The following ESPN variants were observed in gnomAD, a reference collection of about 807,000 sequenced individuals.
ESPN encodes the protein autosomal recessive deafness type 36 protein.
Under a neutral mutation model 77.7 loss-of-function variants are expected in ESPN, and 68 were observed. The ratio of observed to expected loss-of-function variants is 0.87; its 90% confidence interval spans 0.72 to 1.07. The LOEUF (loss-of-function observed/expected upper bound fraction) is 1.07. Ranked by LOEUF, ESPN falls within the 50% of genes least tolerant of loss-of-function variation. The pLI, the probability that ESPN is intolerant of heterozygous loss-of-function variation, is 0.00. For synonymous variants in ESPN, 449 were observed against 567.1 expected (o/e 0.79, Z 2.96); for missense variants, 1,060 against 1,239.0 (o/e 0.86, Z 2.17).
downstream of ESPN, chr1:6,461,153 T>C (rs940563813): frequency 9.3e-6 from 6 of 644,046 alleles, no homozygotes; most frequent in Admixed American, 2.1e-5. The surrounding 1 kb of genome is among the most constrained non-coding windows in gnomAD (Gnocchi z 6.3). Context: ...AGAAGCCGTT[T>C]TTGTTTTGTT....
At position 6,451,448 on chromosome 1, in the gene ESPN, C is replaced by T. The variant is rs1347797965; in HGVS notation, c.1916-155C>T. On this transcript the variant is annotated intron_variant, in intron 8 of 12. Transcript: ENST00000645284. The surrounding 1 kb of genome is among the most constrained non-coding windows in gnomAD (Gnocchi z 4.3). The stretch of plus-strand genomic sequence containing the variant: ...CCGCCTCTGGGGGCCCTGAAACCTG[C>T]CTGCAGGACCTGGGATCTGGAGAGC... 4.7e-6 allele frequency: 5 copies of T among 1,066,770 alleles called. No individual in the cohort carries two copies. The South Asian group carries it at 5.5e-5, about 12-fold the overall frequency. 66.1% of individuals were successfully genotyped at this position (1,066,770 alleles called of 1,614,324 possible). A position where few individuals can be genotyped will look rare whatever the true frequency, so the allele number is the denominator to read the frequency against.
At position 6,454,513 on chromosome 1, in the gene ESPN, T is replaced by C. The variant is rs552198910; in HGVS notation, c.2325+2417T>C. 7.5e-6 allele frequency: 3 copies of C among 398,954 alleles called. No homozygotes were observed. The East Asian group carries it at 1.1e-4, about 14-fold the overall frequency. 24.7% of individuals were successfully genotyped at this position (398,954 alleles called of 1,614,324 possible). A position where few individuals can be genotyped will look rare whatever the true frequency, so the allele number is the denominator to read the frequency against. ...GAGCACAACGCCATCCTCGGGCCCT[T>C]TGGCGAGCTTATGACCGAAGCCGAC... On this transcript the variant is annotated intron_variant, in intron 10 of 12. Coordinates refer to ENST00000645284, the MANE Select transcript of ESPN (RefSeq NM_031475.3).
At chr1:6,452,145 C>T in intron 10 of ESPN, 49 bp downstream of exon 10, 3 of 1,500,240 alleles carry the variant, frequency 2.0e-6, no homozygotes, top group Non-Finnish European at 2.7e-6. Context: ...CATCTGGATG[C>T]ACAGCCCATC....
Position 6,450,570 on chromosome 1 carries a change from G to C in ESPN, c.1916-1033G>C, listed in dbSNP as rs1643926815. On this transcript the variant is annotated intron_variant, in intron 8 of 12. Transcript: ENST00000645284. This position sits in a 1 kb window ranked among gnomAD's most constrained non-coding sequence, Gnocchi z 4.3. ...AGAAGGGGCCCAGACTTGAGGAAAGGGCAGGGGCAGGGGCTGGCAGGCGAG... is the reference window on the plus strand; with the variant it reads ...AGAAGGGGCCCAGACTTGAGGAAAGCGCAGGGGCAGGGGCTGGCAGGCGAG... 1 of 515,516 alleles carries C rather than the reference G, an allele frequency of 1.9e-6. No individual in the cohort carries two copies. The highest frequency in any genetic ancestry group is 2.5e-6 in the Non-Finnish European group (1 of 400,428). The allele number at this position is 515,516 out of a possible 1,614,324, so 31.9% of individuals were successfully genotyped here.
At chr1:6,445,580 G>A (rs1643798176) in intron 6 of ESPN, 84 bp from the exon 7 acceptor site, 6 of 1,503,946 alleles carry the variant, frequency 4.0e-6, no homozygotes, top group African/African-American at 1.4e-5. Flanking sequence ...TCGGCAAGTT[G>A]TTTCCAGGTG....
chr1:6,430,878 A>C (rs777896309), intron 2 of ESPN, among the ~76,000 whole-genome samples: 31 of 152,184 alleles, frequency 2.0e-4, no homozygotes, highest in Admixed American at 3.3e-4. Context: ...AGGGAGATTG[A>C]GTTGGGAGGA....
In ESPN at chr1:6,452,014, G is replaced by A. The variant is rs780047120; in HGVS notation, c.2243G>A (p.Arg748Gln). The change falls in exon 10 of 13, where the codon CGG (arginine) becomes CAG (glutamine). Residue 748 changes from arginine to glutamine, a missense_variant. Physicochemically the swap from Arg to Gln is conservative, Grantham distance 43 (BLOSUM62 1). This residue lies in a region of ESPN where 374 missense variants were observed against 381.4 expected (regional missense o/e 0.98). Transcript: ENST00000645284. The stretch of plus-strand genomic sequence containing the variant: ...ATCCCCACGCACGATGAGCAGGGCC[G>A]GCCCATCCCCGAGTGGAAGCGCCAG... ...ALIPTHDEQG[R>Q]PIPEWKRQVM... 26 of 1,600,078 alleles carry A rather than the reference G, an allele frequency of 1.6e-5. No homozygotes were observed. Among genetic ancestry groups the A allele is most frequent in the South Asian group, 7.9e-5 (7 of 89,050 alleles).
intron 2 of ESPN, among the ~76,000 whole-genome samples, chr1:6,433,559 A>C (rs960650782): frequency 1.3e-5 from 2 of 151,340 alleles, no homozygotes; most frequent in Non-Finnish European, 2.9e-5. Flanking sequence ...GTGAGCTAAG[A>C]TTGTGCCACT....
At chr1:6,446,302 C>T (rs1450100339) in intron 7 of ESPN, among the ~76,000 whole-genome samples, 1 of 152,182 alleles carries the variant, frequency 6.6e-6, no homozygotes, top group Non-Finnish European at 1.5e-5. Context: ...CCCACCCCCA[C>T]AGCCCCAGGC....
intron 2 of ESPN, among the ~76,000 whole-genome samples, chr1:6,438,517 C>T (rs1402529767): frequency 6.6e-6 from 1 of 152,260 alleles, no homozygotes; most frequent in Non-Finnish European, 1.5e-5. Context: ...ACAGTGACAG[C>T]CGAAAGCTAG....
intron 8 of ESPN, among the ~76,000 whole-genome samples, chr1:6,449,606 G>GTCTT (rs1459733471): frequency 6.6e-6 from 1 of 152,190 alleles, no homozygotes; most frequent in Non-Finnish European, 1.5e-5. Context: ...CAGACCTGAA[G>GTCTT]TCTTCTTAGA....
In ESPN at chr1:6,457,373, G is replaced by A; in HGVS notation, c.2417+1G>A. ...TTTTTCCTTCCAGGGAGCAGAAGCG[G>A]TGAGTGCAGGGCTGGCCCCAACCTG... On this transcript the variant is annotated splice_donor_variant, in intron 12 of 12. Transcript: ENST00000645284. LOFTEE classifies it high-confidence loss of function. 1 of 1,614,222 alleles carries A rather than the reference G, an allele frequency of 6.2e-7. No homozygotes were observed. Among genetic ancestry groups the A allele is most frequent in the East Asian group, 2.2e-5 (1 of 44,890 alleles).
intron 2 of ESPN, among the ~76,000 whole-genome samples, chr1:6,435,535 C>T (rs1346096458): frequency 5.9e-5 from 9 of 152,346 alleles, no homozygotes; most frequent in African/African-American, 2.2e-4. Flanking sequence ...ATCGCCAGGG[C>T]GCCTCTGACC....
intron 2 of ESPN, among the ~76,000 whole-genome samples, chr1:6,436,704 T>A (rs866167583): frequency 3.3e-5 from 5 of 152,146 alleles, no homozygotes; most frequent in African/African-American, 1.2e-4. Context: ...TGGCGGTCTC[T>A]CTATGTTGCC....
At chr1:6,453,113 C>T (rs1269361061) in intron 10 of ESPN, among the ~76,000 whole-genome samples, 1 of 152,206 alleles carries the variant, frequency 6.6e-6, no homozygotes, top group Non-Finnish European at 1.5e-5. Context: ...AGGCCGGTCT[C>T]GAACTCCTGG....
intron 2 of ESPN, 77 bp from the exon 3 acceptor site, chr1:6,440,177 A>T: frequency 1.4e-6 from 2 of 1,444,876 alleles, no homozygotes; most frequent in Non-Finnish European, 1.9e-6. Flanking sequence ...GCTCCCCGGG[A>T]CGGGATGGGG....
chr1:6,452,981 C>T (rs1483660550), intron 10 of ESPN, among the ~76,000 whole-genome samples: 3 of 152,290 alleles, frequency 2.0e-5, no homozygotes, highest in Admixed American at 2.0e-4. Flanking sequence ...CAACCTCCAC[C>T]TCCTGGGTTC....
rs180961851 is a variant in ESPN, at chr1:6,455,778, C to A, written c.2326-1406C>A. 1,859 of 398,976 alleles carry A rather than the reference C, an allele frequency of 4.7e-3. 10 individuals are homozygous for A. The highest frequency in any genetic ancestry group is 0.023 in the Middle Eastern group (36 of 1,590). 24.7% of individuals were successfully genotyped at this position (398,976 alleles called of 1,614,324 possible). ...GTGGGAGCGCATCCGCCTCTTCCACCGCGTGGTGCTGGAGGAGGTGGAGGC... is the reference window on the plus strand; with the variant it reads ...GTGGGAGCGCATCCGCCTCTTCCACAGCGTGGTGCTGGAGGAGGTGGAGGC... On this transcript the variant is annotated intron_variant, in intron 10 of 12. Coordinates refer to ENST00000645284, the MANE Select transcript of ESPN (RefSeq NM_031475.3).
At position 6,427,301 on chromosome 1, in the gene ESPN, T is replaced by C. The variant is rs1251334776; in HGVS notation, c.295-925T>C. ...GTTCTGTTCCCGAACCAGTACCCAC[T>C]CTGCCAAGTGCGGCAGCCTCTGTGT... On this transcript the variant is annotated intron_variant, in intron 1 of 12. Transcript: ENST00000645284. This position sits in a 1 kb window ranked among gnomAD's most constrained non-coding sequence, Gnocchi z 4.6. 6.6e-6 allele frequency among the ~76,000 whole-genome samples: 1 copy of C among 152,100 alleles called. No homozygotes were observed. The highest frequency in any genetic ancestry group is 2.4e-5 in the African/African-American group (1 of 41,426).
Sources: allele counts gnomAD v4.1 joint callset (sites outside exome capture counted in the v4.1 genomes callset), GRCh38; gene constraint gnomAD v4.1.1; regional missense constraint gnomAD v4.1.1; non-coding constraint Gnocchi (gnomAD v3.1); transcripts MANE v1.5; gene names NCBI Gene and HGNC (gene_info 2026-07-23, HGNC 2026-07-21).